The following GBE1 variants were observed in gnomAD, a reference collection of about 807,000 sequenced individuals.
GBE1 encodes 1,4-alpha-glucan branching enzyme 1.
A neutral mutation model predicts 88.8 loss-of-function variants in GBE1; 70 were observed. The ratio of observed to expected loss-of-function variants is 0.79; its 90% CI spans 0.65 to 0.96. GBE1 has a LOEUF of 0.96. GBE1 is among the 40% of genes least tolerant of loss of function. GBE1 has a pLI of 0.00. For missense variants in GBE1, 872 were observed against 871.0 expected (o/e 1.00, Z -0.01); for synonymous variants, 284 against 300.1 (o/e 0.95, Z 0.56).
chr3:81,577,735 C>A (rs186173813), intron 12 of GBE1, among the ~76,000 whole-genome samples, 190 bp downstream of exon 12: 2 of 152,082 alleles, frequency 1.3e-5, no homozygotes, highest in Admixed American at 6.6e-5. Flanking sequence ...ACTTTTGTAT[C>A]ATATATTAAT....
intron 12 of GBE1, among the ~76,000 whole-genome samples, chr3:81,562,746 C>T (rs986139341): frequency 2.0e-5 from 3 of 151,928 alleles, no homozygotes; most frequent in Non-Finnish European, 2.9e-5. Flanking sequence ...GAAAATATAT[C>T]GCCAAAGAGA....
At chr3:81,587,653 T>A (rs1339616249) in intron 9 of GBE1, among the ~76,000 whole-genome samples, 1 of 152,070 alleles carries the variant, frequency 6.6e-6, no homozygotes, top group Non-Finnish European at 1.5e-5. Context: ...AGGGCAAGAG[T>A]TTATAGTTGT....
chr3:81,525,799 G>T (rs911383075), intron 14 of GBE1, among the ~76,000 whole-genome samples: 1 of 152,036 alleles, frequency 6.6e-6, no homozygotes, highest in Non-Finnish European at 1.5e-5. Context: ...ATTTCTTCTA[G>T]ATTTTCTGGA....
chr3:81,513,080 G>A (rs1205473773), intron 14 of GBE1, among the ~76,000 whole-genome samples: 2 of 151,600 alleles, frequency 1.3e-5, no homozygotes, highest in African/African-American at 4.8e-5. Context: ...ATTGCCCACT[G>A]CTTGGTGAAT....
At chr3:81,578,652 GC>G (rs1181979677) in intron 11 of GBE1, among the ~76,000 whole-genome samples, 1 of 151,746 alleles carries the variant, frequency 6.6e-6, no homozygotes, top group East Asian at 1.9e-4. Context: ...CATTGTATTT[GC>G]CATTTAATCT....
chr3:81,539,407 CG>C (rs1703117363), intron 12 of GBE1, among the ~76,000 whole-genome samples: 1 of 151,774 alleles, frequency 6.6e-6, no homozygotes, highest in Non-Finnish European at 1.5e-5. Context: ...TAGGATGAAC[CG>C]TATACATTTT....
rs1703366203 is a variant in GBE1, at chr3:81,557,746, TGA to T, written c.1618+20177_1618+20178del. On this transcript the variant is annotated intron_variant, in intron 12 of 15. Coordinates refer to ENST00000429644, the MANE Select transcript of GBE1 (RefSeq NM_000158.4). ...AAAGCATAAAAGTAGATGAGTTTTC[TGA>T]GAGAGGTAGGGAAGCAATAAAAGAG... Among the ~76,000 whole-genome samples the T allele has an allele frequency of 2.6e-5, 4 of 152,136 alleles. No homozygotes were observed. In the South Asian group the frequency reaches 8.3e-4, roughly 32 times the overall value.
At chr3:81,712,467 C>G (rs570324514) in intron 1 of GBE1, among the ~76,000 whole-genome samples, 61 of 152,170 alleles carry the variant, frequency 4.0e-4, no homozygotes, top group African/African-American at 1.4e-3. Context: ...ACTATACAGC[C>G]ATAAAAAAGG....
chr3:81,621,192 G>T (rs1391951416), intron 7 of GBE1, among the ~76,000 whole-genome samples: 4 of 152,142 alleles, frequency 2.6e-5, no homozygotes, highest in Admixed American at 1.3e-4. Flanking sequence ...AGCTTACTCT[G>T]CACTTTGGAG....
rs889701809 is a variant in GBE1, at chr3:81,733,450, GC to G, written c.144-27838del. On this transcript the variant is annotated intron_variant, in intron 1 of 15. Transcript: ENST00000429644. This position sits in a 1 kb window ranked among gnomAD's most constrained non-coding sequence, Gnocchi z 4.0. ...TTGAATCATCCCAAAACAATCCCCTGCCCCCCATTCATGGAAAAATTGTCTT... is the reference window on the plus strand; with the variant it reads ...TTGAATCATCCCAAAACAATCCCCTGCCCCCATTCATGGAAAAATTGTCTT... 6.6e-6 allele frequency among the ~76,000 whole-genome samples: 1 copy of G among 151,968 alleles called. No individual in the cohort carries two copies. Among genetic ancestry groups the G allele is most frequent in the Non-Finnish European group, 1.5e-5 (1 of 67,976 alleles).
At chr3:81,691,408 T>C (rs1415191895) in intron 2 of GBE1, among the ~76,000 whole-genome samples, 1 of 152,210 alleles carries the variant, frequency 6.6e-6, no homozygotes, top group Admixed American at 6.5e-5. Context: ...GTTTAATATG[T>C]ACAATTACTC....
intron 2 of GBE1, among the ~76,000 whole-genome samples, chr3:81,677,593 T>C (rs1705279106): frequency 6.6e-6 from 1 of 152,198 alleles, no homozygotes; most frequent in Admixed American, 6.5e-5. Flanking sequence ...TGGAATTTCC[T>C]ATGGCATTGT....
intron 2 of GBE1, among the ~76,000 whole-genome samples, chr3:81,680,366 G>A (rs1705321826): frequency 1.3e-5 from 2 of 151,842 alleles, no homozygotes; most frequent in South Asian, 2.1e-4. Context: ...GCGTGGTGGC[G>A]GGCACTGTAA....
intron 5 of GBE1, 98 bp from the exon 6 acceptor site, chr3:81,646,580 C>G (rs958301891): frequency 1.9e-5 from 13 of 693,522 alleles, no homozygotes; most frequent in Non-Finnish European, 3.0e-5. Flanking sequence ...TTAAAATTTA[C>G]AAACAATCTA....
chr3:81,643,901 T>C (rs1704727776), intron 6 of GBE1, among the ~76,000 whole-genome samples: 1 of 152,186 alleles, frequency 6.6e-6, no homozygotes, highest in African/African-American at 2.4e-5. Flanking sequence ...AAGACCATTG[T>C]CCTGATCGTG....
intron 12 of GBE1, among the ~76,000 whole-genome samples, chr3:81,563,606 T>A (rs1454804980): frequency 6.6e-6 from 1 of 152,056 alleles, no homozygotes; most frequent in Non-Finnish European, 1.5e-5. Context: ...GCACCAGCCC[T>A]TAAAGGTGAC....
rs192979678 is a variant in GBE1, at chr3:81,511,840, T to A, written c.1935-12613A>T. Among the ~76,000 whole-genome samples the A allele has an allele frequency of 2.1e-5, 3 of 143,880 alleles. No homozygotes were observed. The Admixed American group carries it at 2.1e-4, about 10-fold the overall frequency. 94.4% of individuals were successfully genotyped at this position (143,880 alleles called of 152,430 possible). ...CAACAATCTCACTACCGGCTACATA[T>A]CCAAAGGAAAATAAATTGTCCTACA... On this transcript the variant is annotated intron_variant, in intron 14 of 15. Transcript: ENST00000429644.
chr3:81,585,111 CT>C (rs1431621856), intron 10 of GBE1, among the ~76,000 whole-genome samples: 1 of 151,826 alleles, frequency 6.6e-6, no homozygotes, highest in Non-Finnish European at 1.5e-5. Flanking sequence ...AAGTAAAAAT[CT>C]TTATAAAATA....
intron 7 of GBE1, among the ~76,000 whole-genome samples, chr3:81,603,729 C>G (rs1020967268): frequency 6.6e-6 from 1 of 152,090 alleles, no homozygotes. Flanking sequence ...CTTCTGACCT[C>G]AAGTGATCCA....
Sources: allele counts gnomAD v4.1 joint callset (sites outside exome capture counted in the v4.1 genomes callset), GRCh38; gene constraint gnomAD v4.1.1; non-coding constraint Gnocchi (gnomAD v3.1); transcripts MANE v1.5; gene names NCBI Gene and HGNC (gene_info 2026-07-23, HGNC 2026-07-21).